Variants in SIK3 observed in about 807,000 individuals in gnomAD.
SIK3 encodes serine/threonine-protein kinase SIK3.
Under a neutral mutation model 144.2 loss-of-function variants are expected in SIK3, and 28 were observed. The observed-to-expected ratio is 0.19, with a 90% confidence interval of 0.14 to 0.27. The LOEUF is 0.27. Ranked by LOEUF, SIK3 falls within the 10% of genes least tolerant of loss-of-function variation. The pLI is 1.00. For missense variants in SIK3, 1,319 were observed against 1,776.0 expected, an observed-to-expected ratio of 0.74 and a Z score of 4.62; for synonymous variants, 686 against 676.3, an observed-to-expected ratio of 1.01 and a Z score of -0.22.
chr11:116,855,102 A>ACAAAAACAAAAAC (rs1942792158), intron 21 of SIK3, among the ~76,000 whole-genome samples: 1 of 144,328 alleles, frequency 6.9e-6, no homozygotes, highest in South Asian at 2.3e-4. Context: ...AAAAAAAAAA[A>ACAAAAACAAAAAC]AAAAAAACTT....
At chr11:117,079,506 T>C (rs1401581897) in intron 1 of SIK3, among the ~76,000 whole-genome samples, 1 of 152,152 alleles carries the variant, frequency 6.6e-6, no homozygotes. Context: ...CACAATACAT[T>C]GCCCTCATGA....
At chr11:116,940,980 C>A (rs892949450) in intron 3 of SIK3, among the ~76,000 whole-genome samples, 2 of 150,866 alleles carry the variant, frequency 1.3e-5, no homozygotes, top group Non-Finnish European at 3.0e-5. Flanking sequence ...TAGAAAATAG[C>A]TAAGTTTTTG....
At chr11:116,932,801 CTTGTTT>C (rs1947689170) in intron 3 of SIK3, among the ~76,000 whole-genome samples, 1 of 151,960 alleles carries the variant, frequency 6.6e-6, no homozygotes, top group South Asian at 2.1e-4. Context: ...TTTTTATTTT[CTTGTTT>C]TTGTTTGTTT....
At chr11:117,066,529 C>A (rs1249044474) in intron 1 of SIK3, among the ~76,000 whole-genome samples, 2 of 134,626 alleles carry the variant, frequency 1.5e-5, no homozygotes, top group African/African-American at 5.4e-5. Context: ...TATAAAGAAA[C>A]AATCCTTTTT....
At chr11:116,940,232 T>G (rs936503374) in intron 3 of SIK3, among the ~76,000 whole-genome samples, 10 of 116,900 alleles carry the variant, frequency 8.6e-5, no homozygotes, top group South Asian at 2.8e-4. Flanking sequence ...GGTTTTTTTG[T>G]TTTTTTTTTT....
intron 1 of SIK3, among the ~76,000 whole-genome samples, chr11:117,018,920 C>T (rs983150732): frequency 8.6e-5 from 13 of 152,002 alleles, no homozygotes; most frequent in Non-Finnish European, 1.5e-5. Flanking sequence ...CCATGCTGGC[C>T]AGGCTGGTCT....
Position 116,954,043 on chromosome 11 carries a change from C to G in SIK3, c.454+1G>C. The G allele has an allele frequency of 1.2e-6, 2 of 1,613,020 alleles. No homozygotes were observed. Among genetic ancestry groups the G allele is most frequent in the Non-Finnish European group, 1.7e-6 (2 of 1,179,268 alleles). The stretch of plus-strand genomic sequence containing the variant: ...TTAAAGAATGCAATAAATGTACTTA[C>G]CAAATATTTCCCCTCCACTAGCATA... On this transcript the variant is annotated splice_donor_variant, in intron 3 of 24. Transcript: ENST00000445177. LOFTEE classifies it high-confidence loss of function.
At chr11:117,064,646 A>G (rs1436556749) in intron 1 of SIK3, among the ~76,000 whole-genome samples, 1 of 152,126 alleles carries the variant, frequency 6.6e-6, no homozygotes, top group Non-Finnish European at 1.5e-5. Context: ...TATACCTACA[A>G]CGGCTGCTTT....
intron 4 of SIK3, among the ~76,000 whole-genome samples, chr11:116,920,489 G>A (rs1946902998): frequency 6.6e-6 from 1 of 152,056 alleles, no homozygotes; most frequent in African/African-American, 2.4e-5. Context: ...GTTTATCTTT[G>A]TCACAGCCCT....
At chr11:116,848,208 A>ATT (rs112030791) in intron 22 of SIK3, among the ~76,000 whole-genome samples, 118,962 of 151,618 alleles carry the variant, frequency 0.78, 47,340 homozygotes, top group Non-Finnish European at 0.84. Context: ...AATACAAAAA[A>ATT]GGGTGGCGGG....
intron 1 of SIK3, among the ~76,000 whole-genome samples, chr11:117,033,821 C>A (rs1423808696): frequency 5.3e-5 from 8 of 151,416 alleles, no homozygotes; most frequent in African/African-American, 1.7e-4. Context: ...GAAGATTGAT[C>A]AGGCTCAAGG....
intron 1 of SIK3, among the ~76,000 whole-genome samples, chr11:117,044,005 T>C (rs1239094451): frequency 6.6e-6 from 1 of 152,206 alleles, no homozygotes; most frequent in African/African-American, 2.4e-5. Context: ...AATGTTCGTT[T>C]TGAGATGGAT....
intron 1 of SIK3, among the ~76,000 whole-genome samples, chr11:116,990,092 C>T (rs1378266697): frequency 2.0e-5 from 3 of 152,078 alleles, no homozygotes; most frequent in East Asian, 3.9e-4. Context: ...GGCAGCAGGC[C>T]ATTCTGTATT....
At chr11:116,862,376 A>G in intron 16 of SIK3, 49 bp from the exon 17 acceptor site, 1 of 1,611,792 alleles carries the variant, frequency 6.2e-7, no homozygotes, top group Non-Finnish European at 8.5e-7. Context: ...GACCCGCCTC[A>G]TGCAGTGATT....
At chr11:116,871,593 G>C (rs1943973722) in intron 13 of SIK3, among the ~76,000 whole-genome samples, 1 of 152,232 alleles carries the variant, frequency 6.6e-6, no homozygotes, top group Admixed American at 6.5e-5. Flanking sequence ...TGGTGGCAGG[G>C]ATCAGGGGAC....
At chr11:116,933,374 C>T (rs1490266264) in intron 3 of SIK3, among the ~76,000 whole-genome samples, 3 of 151,938 alleles carry the variant, frequency 2.0e-5, no homozygotes, top group Non-Finnish European at 4.4e-5. Flanking sequence ...CTCCTGACCT[C>T]GTGCTCCACC....
intron 4 of SIK3, among the ~76,000 whole-genome samples, chr11:116,905,176 T>C (rs1328913334): frequency 6.6e-6 from 1 of 152,268 alleles, no homozygotes; most frequent in East Asian, 1.9e-4. Context: ...TTGTCAATTT[T>C]GGACATTTCA....
intron 4 of SIK3, among the ~76,000 whole-genome samples, chr11:116,913,787 C>T (rs1946464084): frequency 6.6e-6 from 1 of 151,964 alleles, no homozygotes; most frequent in Admixed American, 6.6e-5. Context: ...TCAGTGTCCC[C>T]TTAAATTCTC....
At position 116,843,661 on chromosome 11, in the gene SIK3, A is replaced by T. The variant is rs1350535769; in HGVS notation, c.*1982T>A. 2 of 152,166 alleles carry T rather than the reference A, an allele frequency of 1.3e-5. No homozygotes were observed. Among genetic ancestry groups the T allele is most frequent in the Non-Finnish European group, 2.9e-5 (2 of 68,048 alleles). The allele number at this position is 152,166 out of a possible 1,614,324, so 9.4% of individuals were successfully genotyped here. A position where few individuals can be genotyped will look rare whatever the true frequency, so the allele number is the denominator to read the frequency against. On this transcript the variant is annotated 3_prime_UTR_variant, in exon 25 of 25. Transcript: ENST00000445177. The stretch of plus-strand genomic sequence containing the variant: ...TGGAGGGTGCAGTCTGCTCTCCCAT[A>T]CATACAGTACCATGTAAACACATCA...
Sources: gnomAD v4.1 joint callset for allele counts (sites outside exome capture counted in the v4.1 genomes callset) on GRCh38, gnomAD v4.1.1 for gene constraint, MANE v1.5 for transcripts, NCBI Gene and HGNC (gene_info 2026-07-23, HGNC 2026-07-21) for gene names.